Variants in TXNL4A observed in about 807,000 individuals in gnomAD.
TXNL4A encodes thioredoxin like 4A.
In TXNL4A, 17 loss-of-function variants were observed where a neutral mutation model predicts 14.6. The ratio of observed to expected loss-of-function variants is 1.16; its 90% CI spans 0.80 to 1.74. The LOEUF (loss-of-function observed/expected upper bound fraction) is 1.74. Ranked by LOEUF, TXNL4A falls within the 40% of genes most tolerant of loss-of-function variation. The pLI is 0.00. For missense variants in TXNL4A, 74 were observed against 195.2 expected (o/e 0.38, Z 3.70); for synonymous variants, 83 against 70.6 (o/e 1.18, Z -0.88).
rs748072356 is a variant in TXNL4A at position 79,988,401 on chromosome 18, G to A, written c.-9C>T. 1.4e-6 allele frequency: 2 copies of A among 1,443,184 alleles called. No homozygotes were observed. The highest frequency in any genetic ancestry group is 2.2e-5 in the Admixed American group (1 of 45,350). The allele number at this position is 1,443,184 out of a possible 1,614,324, so 89.4% of individuals were successfully genotyped here. A position where few individuals can be genotyped will look rare whatever the true frequency, so the allele number is the denominator to read the frequency against. On this transcript the variant is annotated 5_prime_UTR_variant, in exon 1 of 3. Transcript: ENST00000269601. ...GGGAGCATGTACGACATGGCGGCCC[G>A]CGCGCTCGCCGCCGCCCAAGGCGGG...
At chr18:79,992,876 T>TAAAAAAA (rs59567705), upstream of TXNL4A, among the ~76,000 whole-genome samples, 64 of 78,604 alleles carry the variant, frequency 8.1e-4, 3 homozygotes, top group African/African-American at 2.0e-3. Flanking sequence ...TCATCTTATG[T>TAAAAAAA]AAAAAAAAAA....
chr18:80,008,340 CA>C (rs2051746398), intron 1 of TXNL4A, among the ~76,000 whole-genome samples: 2 of 152,110 alleles, frequency 1.3e-5, no homozygotes, highest in African/African-American at 4.8e-5. Flanking sequence ...GTCAGTTTTA[CA>C]TCTGAGAAAA....
At chr18:79,984,772 C>T (rs2051518672) in intron 1 of TXNL4A, among the ~76,000 whole-genome samples, 1 of 152,172 alleles carries the variant, frequency 6.6e-6, no homozygotes, top group South Asian at 2.1e-4. Context: ...CAATGCCCAG[C>T]TCACTGAGAC....
intron 1 of TXNL4A, among the ~76,000 whole-genome samples, chr18:80,025,838 C>T (rs1306792644): frequency 6.6e-6 from 1 of 152,112 alleles, no homozygotes; most frequent in Non-Finnish European, 1.5e-5. Flanking sequence ...CCCCTGAAGG[C>T]CCAGTAGAGC....
intron 1 of TXNL4A, among the ~76,000 whole-genome samples, chr18:80,032,415 G>C (rs1054692025): frequency 2.0e-5 from 3 of 152,228 alleles, no homozygotes; most frequent in Non-Finnish European, 4.4e-5. Flanking sequence ...AAAGGGAAGA[G>C]TCAAGCTGGG....
At chr18:80,022,434 C>A (rs1299796740) in intron 1 of TXNL4A, among the ~76,000 whole-genome samples, 1 of 152,210 alleles carries the variant, frequency 6.6e-6, no homozygotes, top group Admixed American at 6.5e-5. Flanking sequence ...AAAACCTGTA[C>A]ACTGGGAACC....
rs564672652 is a variant in TXNL4A, at chr18:79,993,826, C to T, written c.-60-16125G>A. Among the ~76,000 whole-genome samples the T allele has an allele frequency of 6.6e-6, 1 of 152,242 alleles. No individual in the cohort carries two copies. The highest frequency in any genetic ancestry group is 1.9e-4 in the East Asian group (1 of 5,188). On this transcript the variant is annotated intron_variant, in intron 1 of 2. Coordinates refer to the TXNL4A transcript ENST00000585474. The surrounding 1 kb of genome is among the most constrained non-coding windows in gnomAD (Gnocchi z 4.4). ...GCAACAGCTCTGAGCTGGTTTTCTC[C>T]CCAGAAAAACATGCTTAAGGTCTAA...
At chr18:79,984,651 T>C (rs2051516428) in intron 1 of TXNL4A, among the ~76,000 whole-genome samples, 1 of 152,230 alleles carries the variant, frequency 6.6e-6, no homozygotes, top group Non-Finnish European at 1.5e-5. Flanking sequence ...GGTCTCGCTC[T>C]ATCACCCAGG....
upstream of TXNL4A, among the ~76,000 whole-genome samples, chr18:79,988,994 T>C (rs1456566665): frequency 6.6e-6 from 1 of 152,218 alleles, no homozygotes; most frequent in Non-Finnish European, 1.5e-5. Flanking sequence ...AATGTGTCGT[T>C]GTTGCCATAC....
chr18:80,031,420 G>A (rs150538145), intron 1 of TXNL4A, among the ~76,000 whole-genome samples: 1 of 152,318 alleles, frequency 6.6e-6, no homozygotes, highest in East Asian at 1.9e-4. Context: ...GGGTGGTTGG[G>A]ATGATGCTCC....
chr18:80,000,754 A>T (rs951753542), intron 1 of TXNL4A, among the ~76,000 whole-genome samples: 1 of 152,114 alleles, frequency 6.6e-6, no homozygotes, highest in Non-Finnish European at 1.5e-5. Context: ...CCTGGGTTCA[A>T]GCAATTCTCC....
At chr18:80,031,446 G>C (rs1390661024) in intron 1 of TXNL4A, among the ~76,000 whole-genome samples, 1 of 152,162 alleles carries the variant, frequency 6.6e-6, no homozygotes, top group Non-Finnish European at 1.5e-5. Flanking sequence ...TTATGCTTGG[G>C]CACAAGGACG....
intron 1 of TXNL4A, among the ~76,000 whole-genome samples, chr18:80,022,092 T>C (rs2051853462): frequency 6.6e-6 from 1 of 152,180 alleles, no homozygotes; most frequent in Non-Finnish European, 1.5e-5. Context: ...TATATATTTA[T>C]TAGGGTTATT....
chr18:80,022,920 T>TG (rs1400165208), intron 1 of TXNL4A, among the ~76,000 whole-genome samples: 1 of 152,176 alleles, frequency 6.6e-6, no homozygotes, highest in Non-Finnish European at 1.5e-5. Flanking sequence ...TCCACCCTGT[T>TG]GGATTCTTAG....
At chr18:79,988,996 T>G (rs1368140280), upstream of TXNL4A, among the ~76,000 whole-genome samples, 1 of 152,226 alleles carries the variant, frequency 6.6e-6, no homozygotes, top group Non-Finnish European at 1.5e-5. Flanking sequence ...TGTGTCGTTG[T>G]TGCCATACCC....
intron 1 of TXNL4A, among the ~76,000 whole-genome samples, chr18:79,987,231 C>T (rs912788883): frequency 6.6e-6 from 1 of 152,220 alleles, no homozygotes; most frequent in Non-Finnish European, 1.5e-5. Context: ...TAAAATATAA[C>T]AACAGTTCCT....
intron 1 of TXNL4A, among the ~76,000 whole-genome samples, chr18:79,983,092 C>T (rs1332453091): frequency 1.3e-5 from 2 of 152,060 alleles, no homozygotes; most frequent in African/African-American, 4.8e-5. Context: ...CCTCTGTTTC[C>T]CAGCCTCAAG....
At chr18:79,981,269 A>C (rs562384395) in intron 1 of TXNL4A, among the ~76,000 whole-genome samples, 1 of 152,404 alleles carries the variant, frequency 6.6e-6, no homozygotes, top group South Asian at 2.1e-4. Flanking sequence ...TTGTGTACTT[A>C]AGAAAAAAGA....
At chr18:80,025,264 A>G (rs1206771257) in intron 1 of TXNL4A, among the ~76,000 whole-genome samples, 5 of 152,214 alleles carry the variant, frequency 3.3e-5, no homozygotes, top group Non-Finnish European at 7.3e-5. Context: ...CAACTTAGAA[A>G]TGCTAATCAA....
Sources: gnomAD v4.1 joint callset for allele counts (sites outside exome capture counted in the v4.1 genomes callset) on GRCh38, gnomAD v4.1.1 for gene constraint, Gnocchi (gnomAD v3.1) non-coding constraint, MANE v1.5 for transcripts, NCBI Gene and HGNC (gene_info 2026-07-23, HGNC 2026-07-21) for gene names.